Variants in P4HA3 observed in about 807,000 individuals in gnomAD.
P4HA3 encodes prolyl 4-hydroxylase subunit alpha-3.
P4HA3 carries 60 observed loss-of-function variants against 66.7 expected under a neutral mutation model. That is an observed-to-expected ratio of 0.90 (90% CI 0.73 to 1.12). The LOEUF (loss-of-function observed/expected upper bound fraction) is 1.12, where lower values mean the gene tolerates loss of function less well. Among genes scored for constraint, P4HA3 ranks in the 50% most tolerant of loss-of-function variants. The pLI is 0.00. For missense variants in P4HA3, 683 were observed against 685.8 expected (o/e 1.00, Z 0.05); for synonymous variants, 263 against 274.6 (o/e 0.96, Z 0.42).
At position 74,272,203 on chromosome 11, in the gene P4HA3, A is replaced by C. The variant is rs1190324806; in HGVS notation, c.1398+1342T>G. Among the ~76,000 whole-genome samples the C allele has an allele frequency of 7.4e-5, 9 of 121,954 alleles. No individual in the cohort carries two copies. The Admixed American group carries it at 7.8e-4, about 11-fold the overall frequency. 80.0% of individuals were successfully genotyped at this position (121,954 alleles called of 152,430 possible). ...GCACACACATGTGAAAGTGCATGAG[A>C]GTGCATGCACACACATACACACACA... On this transcript the variant is annotated intron_variant, in intron 10 of 12. Transcript: ENST00000331597.
chr11:74,264,375 T>G (rs577969435), downstream of P4HA3, among the ~76,000 whole-genome samples: 2 of 152,140 alleles, frequency 1.3e-5, no homozygotes, highest in Non-Finnish European at 2.9e-5. Flanking sequence ...CCCTAATACA[T>G]GCAAAGCCTG....
chr11:74,294,066 T>C (rs1301986354), intron 4 of P4HA3, among the ~76,000 whole-genome samples: 16 of 152,166 alleles, frequency 1.1e-4, no homozygotes, highest in African/African-American at 3.6e-4. Context: ...CCATTCTCCC[T>C]GTCACTTTCA....
In P4HA3 at chr11:74,288,252, G is replaced by T. The variant is rs187282365; in HGVS notation, c.769+827C>A. Among the ~76,000 whole-genome samples the T allele has an allele frequency of 3.1e-3, 477 of 152,316 alleles. 3 individuals carry two copies. The Middle Eastern group carries it at 0.034, about 11-fold the overall frequency. On this transcript the variant is annotated intron_variant, in intron 5 of 12. Coordinates refer to ENST00000331597, the MANE Select transcript of P4HA3 (RefSeq NM_182904.5). ...AGCAAGAGACTCCCTGAAGGGGGGT[G>T]ATGCTGAATTCTGTGACCTACTGGC... is the stretch of plus-strand genomic sequence containing the variant.
At chr11:74,309,425 T>C (rs539445701) in intron 1 of P4HA3, among the ~76,000 whole-genome samples, 24 of 152,298 alleles carry the variant, frequency 1.6e-4, no homozygotes, top group African/African-American at 5.5e-4. Context: ...GCCAAAATGC[T>C]TCAAGTGCTC....
chr11:74,301,216 C>T (rs990711861), intron 3 of P4HA3, among the ~76,000 whole-genome samples: 3 of 151,784 alleles, frequency 2.0e-5, no homozygotes, highest in Non-Finnish European at 4.4e-5. Context: ...GATATAATTG[C>T]TTGTTATATT....
downstream of P4HA3, among the ~76,000 whole-genome samples, chr11:74,263,448 AG>A (rs1859941588): frequency 6.6e-6 from 1 of 152,252 alleles, no homozygotes; most frequent in African/African-American, 2.4e-5. Context: ...CAGAAGTGAC[AG>A]CAAAATAACA....
At chr11:74,283,663 C>A (rs140646983) in intron 7 of P4HA3, among the ~76,000 whole-genome samples, 54 of 152,344 alleles carry the variant, frequency 3.5e-4, no homozygotes, top group African/African-American at 1.3e-3. Flanking sequence ...CGCCCCCATC[C>A]CTTGCACACT....
chr11:74,259,047 G>T (rs1859868006), intron 15 of P4HA3, among the ~76,000 whole-genome samples: 1 of 152,140 alleles, frequency 6.6e-6, no homozygotes. Context: ...GGAAGCCGGT[G>T]TGCCCCTGGG....
At chr11:74,270,835 C>A (rs1361682075) in intron 10 of P4HA3, among the ~76,000 whole-genome samples, 1 of 152,052 alleles carries the variant, frequency 6.6e-6, no homozygotes, top group South Asian at 2.1e-4. Context: ...TAGGTCATAT[C>A]CAAATGTTTA....
At chr11:74,254,578 C>A (rs1295573750) in intron 15 of P4HA3, 1 of 153,170 alleles carries the variant, frequency 6.5e-6, no homozygotes, top group Non-Finnish European at 1.5e-5. Flanking sequence ...GATGTGTAGC[C>A]CCCTCCACCT....
At chr11:74,295,857 T>C (rs1861195751) in intron 4 of P4HA3, among the ~76,000 whole-genome samples, 1 of 152,246 alleles carries the variant, frequency 6.6e-6, no homozygotes, top group African/African-American at 2.4e-5. Flanking sequence ...AATCTATGAA[T>C]ATCTTGTAAT....
intron 15 of P4HA3, among the ~76,000 whole-genome samples, chr11:74,252,987 G>A (rs1400954496): frequency 1.3e-5 from 2 of 152,164 alleles, no homozygotes. Flanking sequence ...CCATTGAAAA[G>A]TCTCTTCTCT....
chr11:74,287,094 C>A (rs575179376), intron 5 of P4HA3: 1 of 1,175,556 alleles, frequency 8.5e-7, no homozygotes, highest in Admixed American at 3.7e-5. Flanking sequence ...CCCAATAAAT[C>A]TTGTGTCTTG....
At chr11:74,292,177 G>T (rs1277254173) in intron 4 of P4HA3, among the ~76,000 whole-genome samples, 6 of 152,308 alleles carry the variant, frequency 3.9e-5, no homozygotes, top group Non-Finnish European at 8.8e-5. Flanking sequence ...GTCTTGGGAG[G>T]ATGTATGTGT....
chr11:74,268,978 T>G (rs185728279), intron 11 of P4HA3, among the ~76,000 whole-genome samples: 1 of 152,300 alleles, frequency 6.6e-6, no homozygotes, highest in Non-Finnish European at 1.5e-5. Context: ...ACAAGAGGCG[T>G]CAAGCTCCTG....
chr11:74,302,270 A>T, intron 3 of P4HA3, 99 bp downstream of exon 3: 1 of 1,104,488 alleles, frequency 9.1e-7, no homozygotes, highest in Non-Finnish European at 1.3e-6. Flanking sequence ...TTCCAAGTTT[A>T]CTGTAAGTAT....
intron 15 of P4HA3, chr11:74,251,370 C>G (rs979046814): frequency 7.4e-7 from 1 of 1,358,060 alleles, no homozygotes; most frequent in Non-Finnish European, 9.5e-7. Context: ...AATATGGGCT[C>G]CTCCTGTGAG....
intron 4 of P4HA3, among the ~76,000 whole-genome samples, chr11:74,297,653 A>C (rs1861269461): frequency 6.6e-6 from 1 of 152,216 alleles, no homozygotes; most frequent in South Asian, 2.1e-4. Flanking sequence ...AACAGTGCCA[A>C]GGAAAAATAA....
Position 74,277,124 on chromosome 11 carries a change from A to C in P4HA3, c.1196T>G (p.Val399Gly), listed in dbSNP as rs1238475747. ...ISKSAWLKDTVDPKLVTLNHR... is the reference protein window; with the variant it reads ...ISKSAWLKDTGDPKLVTLNHR... Reference sequence around the variant, plus strand: ...GTTGAGGGTCACCAGTTTTGGGTCAACAGTGTCCTTCAGCCAGGCACTAAA... The same window carrying C: ...GTTGAGGGTCACCAGTTTTGGGTCACCAGTGTCCTTCAGCCAGGCACTAAA... Residue 399 changes from valine (V) to glycine (G), a missense_variant, in exon 9 of 13, where the codon GTT becomes GGT. Transcript: ENST00000331597. 1 of 1,613,812 alleles carries C rather than the reference A, an allele frequency of 6.2e-7. No homozygotes were observed. Among genetic ancestry groups the C allele is most frequent in the African/African-American group, 1.3e-5 (1 of 74,926 alleles).
Sources: allele counts gnomAD v4.1 joint callset (sites outside exome capture counted in the v4.1 genomes callset), GRCh38; gene constraint gnomAD v4.1.1; transcripts MANE v1.5; gene names NCBI Gene and HGNC (gene_info 2026-07-23, HGNC 2026-07-21).